PIP4K2A: variants seen among roughly 807,000 people sequenced by gnomAD.
PIP4K2A encodes phosphatidylinositol-5-phosphate 4-kinase type 2 alpha.
A neutral mutation model predicts 42.9 loss-of-function variants in PIP4K2A; 14 were observed. The ratio of observed to expected loss-of-function variants is 0.33; its 90% confidence interval spans 0.22 to 0.51. The LOEUF is 0.51. Among genes scored for constraint, PIP4K2A ranks in the 20% least tolerant of loss-of-function variants. PIP4K2A has a pLI of 0.97. For missense variants in PIP4K2A, 434 were observed against 519.8 expected, an observed-to-expected ratio of 0.83 and a Z score of 1.61; for synonymous variants, 192 against 192.2, an observed-to-expected ratio of 1.00 and a Z score of 0.01.
intron 1 of PIP4K2A, among the ~76,000 whole-genome samples, chr10:22,644,262 A>G (rs1320819845): frequency 6.6e-6 from 1 of 152,020 alleles, no homozygotes; most frequent in Non-Finnish European, 1.5e-5. Context: ...GTCTTCAGCA[A>G]ATCTGTGGGC....
intron 1 of PIP4K2A, among the ~76,000 whole-genome samples, chr10:22,705,131 T>C (rs1022353867): frequency 5.9e-5 from 9 of 151,778 alleles, no homozygotes; most frequent in African/African-American, 1.9e-4. Flanking sequence ...TAGGTGAAGT[T>C]CAAGGAGAAG....
chr10:22,593,572 G>C (rs1837560089), intron 3 of PIP4K2A, among the ~76,000 whole-genome samples: 1 of 152,188 alleles, frequency 6.6e-6, no homozygotes, highest in Non-Finnish European at 1.5e-5. Flanking sequence ...AGAACAAAAA[G>C]GAAGAAAATC....
chr10:22,662,970 AG>A (rs1237215938), intron 1 of PIP4K2A, among the ~76,000 whole-genome samples: 1 of 152,252 alleles, frequency 6.6e-6, no homozygotes, highest in Non-Finnish European at 1.5e-5. Flanking sequence ...GTGTCGCCCC[AG>A]GGTGAGGAGA....
At chr10:22,687,325 A>T (rs1400798656) in intron 1 of PIP4K2A, among the ~76,000 whole-genome samples, 1 of 152,138 alleles carries the variant, frequency 6.6e-6, no homozygotes, top group Non-Finnish European at 1.5e-5. Context: ...TAAAAAGGTC[A>T]GGTATGCATT....
intron 6 of PIP4K2A, 90 bp from the exon 7 acceptor site, chr10:22,550,862 G>T: frequency 1.3e-6 from 1 of 798,440 alleles, no homozygotes; most frequent in Non-Finnish European, 2.2e-6. Flanking sequence ...ACTGAAGTTT[G>T]CCCCTTTCAC....
chr10:22,705,837 T>C (rs79011877), intron 1 of PIP4K2A, among the ~76,000 whole-genome samples: 8,555 of 151,796 alleles, frequency 0.056, 801 homozygotes, highest in African/African-American at 0.19. Flanking sequence ...TGTATTAGTC[T>C]GTTCTCACGC....
intron 7 of PIP4K2A, among the ~76,000 whole-genome samples, chr10:22,545,103 G>A (rs540891374): frequency 2.6e-5 from 4 of 152,292 alleles, no homozygotes; most frequent in East Asian, 3.9e-4. Context: ...GAAAGTATTC[G>A]GCACTTGTTG....
intron 6 of PIP4K2A, among the ~76,000 whole-genome samples, chr10:22,567,006 C>T (rs1317775666): frequency 1.3e-5 from 2 of 152,174 alleles, no homozygotes; most frequent in Admixed American, 6.5e-5. Context: ...ATTTGCAAAT[C>T]TATAAAATTC....
chr10:22,537,355 G>A (rs1170078370), intron 9 of PIP4K2A, 74 bp from the exon 10 acceptor site: 6 of 1,170,306 alleles, frequency 5.1e-6, no homozygotes, highest in Admixed American at 2.1e-5. Flanking sequence ...AATATCTACA[G>A]CTATTTCCAA....
intron 4 of PIP4K2A, among the ~76,000 whole-genome samples, chr10:22,587,766 T>TA (rs1431833486): frequency 1.3e-5 from 2 of 152,186 alleles, no homozygotes; most frequent in African/African-American, 4.8e-5. Flanking sequence ...GGGAGAGGGC[T>TA]AGGCAGCCGG....
intron 6 of PIP4K2A, among the ~76,000 whole-genome samples, chr10:22,551,225 A>G (rs945564703): frequency 6.6e-6 from 1 of 152,086 alleles, no homozygotes; most frequent in African/African-American, 2.4e-5. Context: ...TGCAAATAAC[A>G]TGTTATCTTG....
intron 1 of PIP4K2A, among the ~76,000 whole-genome samples, chr10:22,698,603 T>C (rs557746791): frequency 5.9e-5 from 9 of 152,362 alleles, no homozygotes; most frequent in Admixed American, 5.9e-4. Flanking sequence ...GCAAAAGGAA[T>C]AGCAGTTTTT....
chr10:22,615,051 T>C (rs772955958), intron 1 of PIP4K2A, among the ~76,000 whole-genome samples: 1 of 152,220 alleles, frequency 6.6e-6, no homozygotes, highest in Non-Finnish European at 1.5e-5. Context: ...AGACCAACCA[T>C]TCTATATGAT....
rs1032627796 is a variant in PIP4K2A, at chr10:22,536,196, T to A, written c.*1005A>T. 1.0e-5 allele frequency: 4 copies of A among 398,338 alleles called. No individual in the cohort carries two copies. Among genetic ancestry groups the A allele is most frequent in the African/African-American group, 6.2e-5 (3 of 48,634 alleles). 24.7% of individuals were successfully genotyped at this position (398,338 alleles called of 1,614,324 possible). On this transcript the variant is annotated 3_prime_UTR_variant, in exon 10 of 10. Transcript: ENST00000376573. ...AAACATAAACATCTTATAATTCAGATCTGCATTTGGTAACAGGAGAATTGA... is the reference window on the plus strand; with the variant it reads ...AAACATAAACATCTTATAATTCAGAACTGCATTTGGTAACAGGAGAATTGA...
rs57671642 is a variant in PIP4K2A at position 22,627,591 on chromosome 10, T to TAAA, written c.145-17877_145-17875dup. Among the ~76,000 whole-genome samples the TAAA allele has an allele frequency of 1.1e-3, 60 of 57,014 alleles. 4 individuals carry two copies. Among genetic ancestry groups the TAAA allele is most frequent in the East Asian group, 2.9e-3 (3 of 1,042 alleles). 37.4% of individuals were successfully genotyped at this position (57,014 alleles called of 152,430 possible). On this transcript the variant is annotated intron_variant, in intron 1 of 9. Transcript: ENST00000376573. ...TGTTTAACCAAAAGCTAATATGTAATAAAAAAAAAAAAAAAAAAAAAAAAA... is the reference window on the plus strand; with the variant it reads ...TGTTTAACCAAAAGCTAATATGTAATAAAAAAAAAAAAAAAAAAAAAAAAAAAA...
At chr10:22,580,313 A>G (rs61847486) in intron 4 of PIP4K2A, among the ~76,000 whole-genome samples, 5,172 of 152,110 alleles carry the variant, frequency 0.034, 141 homozygotes, top group Non-Finnish European at 0.051. Flanking sequence ...CTTAAATATC[A>G]TAGACAAATT....
intron 1 of PIP4K2A, among the ~76,000 whole-genome samples, chr10:22,656,741 G>A (rs1212968941): frequency 1.3e-5 from 2 of 150,598 alleles, no homozygotes; most frequent in Non-Finnish European, 2.9e-5. Context: ...AGGTTGCAGT[G>A]AGCCGAGATC....
intron 1 of PIP4K2A, among the ~76,000 whole-genome samples, chr10:22,613,618 G>A (rs910471150): frequency 1.3e-5 from 2 of 152,178 alleles, no homozygotes; most frequent in African/African-American, 4.8e-5. Context: ...AGAGAACACA[G>A]AGAGCTTAAA....
At chr10:22,621,381 T>G (rs944124322) in intron 1 of PIP4K2A, among the ~76,000 whole-genome samples, 2 of 152,044 alleles carry the variant, frequency 1.3e-5, no homozygotes, top group African/African-American at 4.8e-5. Context: ...TCTTGAAAAC[T>G]TCAAATAAAC....
Sources: gnomAD v4.1 joint callset for allele counts (sites outside exome capture counted in the v4.1 genomes callset) on GRCh38, gnomAD v4.1.1 for gene constraint, MANE v1.5 for transcripts, NCBI Gene and HGNC (gene_info 2026-07-23, HGNC 2026-07-21) for gene names.